ARMCX4: variants seen among roughly 807,000 people sequenced by gnomAD.
The protein encoded by ARMCX4 is armadillo repeat containing X-linked 4, also known as armadillo repeat-containing X-linked protein 4.
In ARMCX4, 3 loss-of-function variants were observed where a neutral mutation model predicts 34.7. The ratio of observed to expected loss-of-function variants is 0.09; its 90% CI spans 0.04 to 0.22. The LOEUF is 0.22. Ranked by LOEUF, ARMCX4 falls within the 10% of genes least tolerant of loss-of-function variation. ARMCX4 has a pLI of 1.00. For synonymous variants in ARMCX4, 513 were observed against 632.8 expected, an observed-to-expected ratio of 0.81 and a Z score of 2.84; for missense variants, 1,448 against 1,720.8, an observed-to-expected ratio of 0.84 and a Z score of 2.81.
At chrX:101,532,866 T>G (rs948986586) in intron 12 of ARMCX4, 2 of 111,587 alleles carry the variant, frequency 1.8e-5, no homozygotes, top group Non-Finnish European at 3.8e-5. Flanking sequence ...AGGTTTCAGG[T>G]GGGCGAATAT....
chrX:101,432,930 A>T, intron 2 of ARMCX4, among the ~76,000 whole-genome samples: 1 of 96,642 alleles, frequency 1.0e-5, no homozygotes, highest in African/African-American at 3.6e-5. Flanking sequence ...ATACGTATAT[A>T]TATACGTGTA....
intron 2 of ARMCX4, among the ~76,000 whole-genome samples, chrX:101,440,031 C>G (rs1754307880): frequency 8.9e-6 from 1 of 112,008 alleles, no homozygotes; most frequent in Non-Finnish European, 1.9e-5. Flanking sequence ...GAGCTGTGTT[C>G]CTTTGGAGGA....
intron 11 of ARMCX4, among the ~76,000 whole-genome samples, chrX:101,523,524 G>T (rs928822084): frequency 8.9e-6 from 1 of 111,979 alleles, no homozygotes; most frequent in East Asian, 2.8e-4. Flanking sequence ...AACCTAAGTA[G>T]CCAGGCTAAA....
intron 2 of ARMCX4, among the ~76,000 whole-genome samples, chrX:101,437,791 A>C (rs1930908014): frequency 8.9e-6 from 1 of 111,982 alleles, no homozygotes; most frequent in African/African-American, 3.2e-5. Context: ...TTCGTGCTAT[A>C]AATTTCCCTC....
intron 2 of ARMCX4, among the ~76,000 whole-genome samples, chrX:101,442,857 G>C (rs951969915): frequency 9.0e-6 from 1 of 111,617 alleles, no homozygotes; most frequent in African/African-American, 3.3e-5. Flanking sequence ...AATTGGCCGG[G>C]TGTGGTGGCT....
chrX:101,432,976 A>ATACACACATGTATACATACACGTG (rs1930272504), intron 2 of ARMCX4, among the ~76,000 whole-genome samples: 11 of 104,450 alleles, frequency 1.1e-4, no homozygotes, highest in Non-Finnish European at 2.2e-4. Flanking sequence ...GTATATGTGT[A>ATACACACATGTATACATACACGTG]TATATACACA....
At chrX:101,503,495 G>A (rs1405968761) in intron 7 of ARMCX4, among the ~76,000 whole-genome samples, 1 of 111,696 alleles carries the variant, frequency 9.0e-6, no homozygotes, top group African/African-American at 3.3e-5. Flanking sequence ...GTGTGAGATG[G>A]TATCTCATTG....
chrX:101,523,065 A>G (rs1263120079), intron 11 of ARMCX4, among the ~76,000 whole-genome samples: 3 of 111,638 alleles, frequency 2.7e-5, no homozygotes, highest in African/African-American at 9.8e-5. Flanking sequence ...TTCACTTAGG[A>G]GAAATCAGAG....
At chrX:101,459,940 A>G (rs1483268253) in intron 4 of ARMCX4, among the ~76,000 whole-genome samples, 1 of 112,203 alleles carries the variant, frequency 8.9e-6, no homozygotes, top group Admixed American at 9.5e-5. Flanking sequence ...GTGTATAAAC[A>G]CTAATTGCTG....
At chrX:101,477,864 C>A (rs376396544) in intron 4 of ARMCX4, among the ~76,000 whole-genome samples, 1 of 111,811 alleles carries the variant, frequency 8.9e-6, no homozygotes, top group Non-Finnish European at 1.9e-5. Context: ...TTATTGTAAT[C>A]TACTATATTA....
Position 101,493,540 on chromosome X carries a change from G to C in ARMCX4, c.4951G>C (p.Gly1651Arg). 8.7e-7 allele frequency: 1 copy of C among 1,155,213 alleles called. No individual in the cohort carries two copies. Among genetic ancestry groups the C allele is most frequent in the Non-Finnish European group, 1.1e-6 (1 of 872,413 alleles). The change falls in exon 6 of 6, where the codon GGG becomes CGG. Residue 1651 changes from glycine (G) to arginine (R), a missense_variant. Gly to Arg is a moderately radical substitution (Grantham distance 125). Transcript: ENST00000423738. ...QSSGRSWIGPGDQAVDCSKPE... is the reference protein window; with the variant it reads ...QSSGRSWIGPRDQAVDCSKPE... The stretch of plus-strand genomic sequence containing the variant: ...CAGTGGAAGGTCCTGGATTGGGCCT[G>C]GGGATCAGGCTGTTGACTGTTCCAA...
At position 101,490,636 on chromosome X, in the gene ARMCX4, G is replaced by T; in HGVS notation, c.2047G>T (p.Asp683Tyr). 8.6e-7 allele frequency: 1 copy of T among 1,156,500 alleles called. No homozygotes were observed. Among genetic ancestry groups the T allele is most frequent in the Non-Finnish European group, 1.1e-6 (1 of 873,066 alleles). The change falls in exon 6 of 6, where the codon GAT (aspartate) becomes TAT (tyrosine). Residue 683 changes from aspartate to tyrosine, a missense_variant. Coordinates refer to ENST00000423738, the MANE Select transcript of ARMCX4 (RefSeq NM_001256155.3). ...CAGTTCCAAGGGTGAGGCCTTGCTT[G>T]ATTCTAAGAATAAGGTCAAGGGTAA... ...MASSKGEALL[D>Y]SKNKVKGNSN...
chrX:101,493,995 T>C lies in ARMCX4; in HGVS notation c.5406T>C (p.Tyr1802=). ...GSWIRSEEVA[Y]MGSCVGAEAG... ...GGATTAGATCTGAGGAGGTGGCTTA[T>C]ATGGGCTCCTGTGTAGGGGCTGAGG... Residue 1802 remains tyrosine (Y), a synonymous_variant, in exon 6 of 6, where the codon TAT becomes TAC. Coordinates refer to ENST00000423738, the MANE Select transcript of ARMCX4 (RefSeq NM_001256155.3). The C allele has an allele frequency of 3.0e-6, 2 of 666,136 alleles. No homozygotes were observed. Among genetic ancestry groups the C allele is most frequent in the Non-Finnish European group, 3.5e-6 (2 of 568,809 alleles). The allele number at this position is 666,136 out of a possible 1,213,427, so 54.9% of individuals were successfully genotyped here. A position where few individuals can be genotyped will look rare whatever the true frequency, so the allele number is the denominator to read the frequency against.
At chrX:101,443,547 A>G (rs1555997441) in intron 2 of ARMCX4, among the ~76,000 whole-genome samples, 1 of 112,049 alleles carries the variant, frequency 8.9e-6, no homozygotes, top group Admixed American at 9.5e-5. Context: ...CTAGACATGG[A>G]AGGAATAAGG....
intron 2 of ARMCX4, among the ~76,000 whole-genome samples, chrX:101,434,736 A>G (rs1357039860): frequency 9.2e-6 from 1 of 108,617 alleles, no homozygotes; most frequent in African/African-American, 3.4e-5. Flanking sequence ...TGCTGCACCC[A>G]TTAACTCATC....
chrX:101,468,812 A>C (rs782566039), intron 4 of ARMCX4, among the ~76,000 whole-genome samples: 1 of 110,602 alleles, frequency 9.0e-6, no homozygotes, highest in East Asian at 2.8e-4. Flanking sequence ...ACGGGGTTTC[A>C]CTGTGTTAGC....
chrX:101,431,717 G>C (rs1415914598), intron 2 of ARMCX4, among the ~76,000 whole-genome samples: 2 of 110,834 alleles, frequency 1.8e-5, no homozygotes, highest in Non-Finnish European at 3.8e-5. Flanking sequence ...CTAATTTTTT[G>C]TATTTTTAAT....
rs782356758 is a variant in ARMCX4 at position 101,430,350 on chromosome X, C to G, written n.164+11350C>G. On this transcript the variant is annotated intron_variant and non_coding_transcript_variant, in intron 2 of 3. Coordinates refer to the ARMCX4 transcript ENST00000430461. ...CACTGATATTTGTTGAATGATTGCT[C>G]TGTGTCAAACATAGGGCTAGTTGTT... 8.9e-5 allele frequency among the ~76,000 whole-genome samples: 10 copies of G among 112,101 alleles called. No homozygotes were observed. The South Asian group carries it at 1.1e-3, about 12-fold the overall frequency.
chrX:101,522,838 G>GATTT (rs1934880862), intron 11 of ARMCX4, among the ~76,000 whole-genome samples: 1 of 112,358 alleles, frequency 8.9e-6, no homozygotes, highest in African/African-American at 3.2e-5. Flanking sequence ...CATCAACACA[G>GATTT]ATTTATACAT....
Sources: gnomAD v4.1 joint callset for allele counts (sites outside exome capture counted in the v4.1 genomes callset) on GRCh38, gnomAD v4.1.1 for gene constraint, MANE v1.5 for transcripts, NCBI Gene and HGNC (gene_info 2026-07-23, HGNC 2026-07-21) for gene names.